ITM2C: variants seen among roughly 807,000 people sequenced by gnomAD.
ITM2C encodes BRICHOS domain containing 2C.
In ITM2C, 20 loss-of-function variants were observed where a neutral mutation model predicts 30.0. That is an observed-to-expected ratio of 0.67 (90% CI 0.47 to 0.97). The LOEUF (loss-of-function observed/expected upper bound fraction) is 0.97. Among genes scored for constraint, ITM2C ranks in the 50% least tolerant of loss-of-function variants. The pLI, the probability that ITM2C is intolerant of heterozygous loss-of-function variation, is 0.00. For synonymous variants in ITM2C, 167 were observed against 156.4 expected (o/e 1.07, Z -0.51); for missense variants, 366 against 371.9 (o/e 0.98, Z 0.13).
rs544840386 is a variant in ITM2C, at chr2:230,875,655, G to A, written c.297G>A (p.Leu99=). The A allele has an allele frequency of 9.3e-6, 15 of 1,612,514 alleles. No individual in the cohort carries two copies. The African/African-American group carries it at 1.1e-4, about 11-fold the overall frequency. ...ATAACTTCTTCCGCTGTGGTGTGCT[G>A]TATGAGGACTCCCTGTCCTCCCAGG... ...ARDNFFRCGV[L]YEDSLSSQVR... is the part of the protein sequence containing the mutation. The change falls in exon 3 of 6, where the codon CTG becomes CTA. Residue 99 remains leucine (L), a synonymous_variant. Transcript: ENST00000326427.
In ITM2C at chr2:230,865,121, C is replaced by T; in HGVS notation, c.96C>T (p.Thr32=). ...CGGCCCCTGCGCCGGCCTCGGCCAC[C>T]GAGATCCTGCTGACGCCGGCTAGGG... The part of the protein sequence containing the change: ...SASAPAPASA[T]EILLTPAREE... The change falls in exon 1 of 6, where the codon ACC becomes ACT. Residue 32 remains threonine (T), a synonymous_variant. Coordinates refer to ENST00000326427, the MANE Select transcript of ITM2C (RefSeq NM_030926.6). The surrounding 1 kb of genome is among the most constrained non-coding windows in gnomAD (Gnocchi z 6.8). The T allele has an allele frequency of 6.7e-7, 1 of 1,498,542 alleles. No individual in the cohort carries two copies. The highest frequency in any genetic ancestry group is 9.0e-7 in the Non-Finnish European group (1 of 1,117,052). 92.8% of individuals were successfully genotyped at this position (1,498,542 alleles called of 1,614,324 possible). A position where few individuals can be genotyped will look rare whatever the true frequency, so the allele number is the denominator to read the frequency against.
At chr2:230,871,235 A>G (rs1042661223) in intron 1 of ITM2C, among the ~76,000 whole-genome samples, 1 of 152,202 alleles carries the variant, frequency 6.6e-6, no homozygotes, top group African/African-American at 2.4e-5. Flanking sequence ...TTGTGTCCCG[A>G]GGGCAGATTT....
At chr2:230,868,459 G>GCATTCACACACACACACA (rs553555961) in intron 1 of ITM2C, among the ~76,000 whole-genome samples, 1 of 110,802 alleles carries the variant, frequency 9.0e-6, no homozygotes, top group East Asian at 2.0e-4. Context: ...GCCTGTGCCT[G>GCATTCACACACACACACA]CACTCACACA....
chr2:230,869,693 G>A (rs901346775), intron 1 of ITM2C, among the ~76,000 whole-genome samples: 1 of 152,200 alleles, frequency 6.6e-6, no homozygotes, highest in African/African-American at 2.4e-5. Flanking sequence ...GATGGGGCCC[G>A]GGAGCGCTCC....
chr2:230,877,621 C>T lies in ITM2C; in HGVS notation c.712+71C>T, dbSNP rs922761902. Reference sequence around the variant, plus strand: ...GACCACAGTTATCTTCACGCCTAGCCCAGCTGTCAGAGAGCTCAGATAGCA... The same window carrying T: ...GACCACAGTTATCTTCACGCCTAGCTCAGCTGTCAGAGAGCTCAGATAGCA... On this transcript the variant is annotated intron_variant, in intron 5 of 5. Transcript: ENST00000326427. This position sits in a 1 kb window ranked among gnomAD's most constrained non-coding sequence, Gnocchi z 4.8. 2.6e-6 allele frequency: 4 copies of T among 1,540,042 alleles called. No homozygotes were observed. Among genetic ancestry groups the T allele is most frequent in the Non-Finnish European group, 3.6e-6 (4 of 1,123,940 alleles).
intron 2 of ITM2C, among the ~76,000 whole-genome samples, chr2:230,874,622 G>T (rs569299067): frequency 6.6e-6 from 1 of 152,202 alleles, no homozygotes; most frequent in Non-Finnish European, 1.5e-5. Flanking sequence ...ATGCAGCCCC[G>T]GAGCCTCACC....
rs1690015324 is a variant in ITM2C at position 230,878,869 on chromosome 2, G to C, written c.*770G>C. ...ACGGGGCAGGCAAGGTCACTGCTCA[G>C]TCACGTCCACGGGGGACGAGCCGTG... is the stretch of plus-strand genomic sequence containing the variant. On this transcript the variant is annotated 3_prime_UTR_variant, in exon 6 of 6. Coordinates refer to ENST00000326427, the MANE Select transcript of ITM2C (RefSeq NM_030926.6). The surrounding 1 kb of genome is among the most constrained non-coding windows in gnomAD (Gnocchi z 4.5). The C allele has an allele frequency of 6.5e-6, 1 of 152,702 alleles. No individual in the cohort carries two copies. 9.5% of individuals were successfully genotyped at this position (152,702 alleles called of 1,614,324 possible). A position where few individuals can be genotyped will look rare whatever the true frequency, so the allele number is the denominator to read the frequency against.
At chr2:230,874,398 T>C (rs901507799) in intron 2 of ITM2C, among the ~76,000 whole-genome samples, 10 of 152,006 alleles carry the variant, frequency 6.6e-5, no homozygotes, top group Non-Finnish European at 1.5e-4. Flanking sequence ...ATGGCCTGCG[T>C]CCCCCTCGTT....
intron 3 of ITM2C, among the ~76,000 whole-genome samples, chr2:230,876,181 C>T (rs1042537544): frequency 3.2e-4 from 48 of 152,176 alleles, no homozygotes; most frequent in African/African-American, 1.1e-3. Flanking sequence ...GGGCATCTCT[C>T]GCTGGGGTCC....
chr2:230,866,501 T>C (rs1294185340), intron 1 of ITM2C, among the ~76,000 whole-genome samples: 1 of 151,966 alleles, frequency 6.6e-6, no homozygotes, highest in Non-Finnish European at 1.5e-5. Flanking sequence ...CCTGCCCTTT[T>C]ATGGTGGTCA....
intron 3 of ITM2C, 105 bp downstream of exon 3, chr2:230,875,913 C>T (rs1697285179): frequency 4.2e-6 from 4 of 947,732 alleles, no homozygotes; most frequent in Non-Finnish European, 6.3e-6. Flanking sequence ...CAGCAGGTGT[C>T]TACGGTTAGG....
At chr2:230,875,843 G>GA in intron 3 of ITM2C, 35 bp downstream of exon 3, 2 of 317,804 alleles carry the variant, frequency 6.3e-6, no homozygotes, top group South Asian at 2.8e-5. Flanking sequence ...TGGGGGGTGG[G>GA]AGGGTGTCCC....
chr2:230,864,872 C>A, upstream of ITM2C: 1 of 987,692 alleles, frequency 1.0e-6, no homozygotes, highest in South Asian at 5.2e-5. The surrounding 1 kb of genome is among the most constrained non-coding windows in gnomAD (Gnocchi z 4.3). Context: ...GGCCCTCCCG[C>A]GGGGACGGGG....
chr2:230,872,715 G>A (rs1258314352), intron 1 of ITM2C, among the ~76,000 whole-genome samples: 1 of 152,118 alleles, frequency 6.6e-6, no homozygotes, highest in Admixed American at 6.5e-5. Context: ...TGCCTGTGGG[G>A]GGCCAGTGTG....
At chr2:230,869,726 G>T (rs984834444) in intron 1 of ITM2C, among the ~76,000 whole-genome samples, 1 of 152,194 alleles carries the variant, frequency 6.6e-6, no homozygotes, top group Non-Finnish European at 1.5e-5. Flanking sequence ...GGGGTCTGCC[G>T]AGTTAATGCT....
chr2:230,868,233 C>T (rs1217025425), intron 1 of ITM2C, among the ~76,000 whole-genome samples: 1 of 152,058 alleles, frequency 6.6e-6, no homozygotes, highest in African/African-American at 2.4e-5. Flanking sequence ...GGGTGGGGGC[C>T]AGCTGGGCTT....
At chr2:230,875,534 G>A in intron 2 of ITM2C, 86 bp from the exon 3 acceptor site, 1 of 1,211,388 alleles carries the variant, frequency 8.3e-7, no homozygotes, top group Non-Finnish European at 1.2e-6. Flanking sequence ...GGGGCATGTA[G>A]CGGACGGGTA....
intron 1 of ITM2C, among the ~76,000 whole-genome samples, chr2:230,872,815 G>A (rs966271207): frequency 1.3e-5 from 2 of 152,178 alleles, no homozygotes; most frequent in African/African-American, 4.8e-5. Context: ...ATCAGTCACA[G>A]CCTCCTTGGT....
chr2:230,864,847 C>T, upstream of ITM2C: 2 of 719,440 alleles, frequency 2.8e-6, no homozygotes, highest in Non-Finnish European at 3.7e-6. The surrounding 1 kb of genome is among the most constrained non-coding windows in gnomAD (Gnocchi z 4.3). Context: ...GGGGCGCAGG[C>T]GCGGCGGGCG....
Sources: gnomAD v4.1 joint callset for allele counts (sites outside exome capture counted in the v4.1 genomes callset) on GRCh38, gnomAD v4.1.1 for gene constraint, Gnocchi (gnomAD v3.1) non-coding constraint, MANE v1.5 for transcripts, NCBI Gene and HGNC (gene_info 2026-07-23, HGNC 2026-07-21) for gene names.